Variants in VTI1A observed in about 807,000 individuals in gnomAD.
VTI1A encodes the protein vesicle transport through interaction with t-SNAREs homolog 1A.
VTI1A carries 22 observed loss-of-function variants against 34.9 expected under a neutral mutation model. That is an observed-to-expected ratio of 0.63 (90% confidence interval 0.45 to 0.90). VTI1A has a LOEUF of 0.90. Among genes scored for constraint, VTI1A ranks in the 40% least tolerant of loss-of-function variants. VTI1A has a pLI of 0.00. For synonymous variants in VTI1A, 87 were observed against 97.3 expected (o/e 0.89, Z 0.62); for missense variants, 268 against 275.6 (o/e 0.97, Z 0.20).
Position 112,818,683 on chromosome 10 carries a change from C to G in VTI1A, c.*3300C>G, listed in dbSNP as rs1564938764. ...CTGTTTAGACGTTTTTATTTTCTTT[C>G]ATTATTAGTCCCCACCATTACGTTC... On this transcript the variant is annotated 3_prime_UTR_variant, in exon 8 of 8. Transcript: ENST00000393077. 4.8e-6 allele frequency: 1 copy of G among 208,924 alleles called. No homozygotes were observed. The highest frequency in any genetic ancestry group is 9.8e-6 in the Non-Finnish European group (1 of 102,410). 12.9% of individuals were successfully genotyped at this position (208,924 alleles called of 1,614,324 possible).
intron 5 of VTI1A, among the ~76,000 whole-genome samples, chr10:112,547,619 G>T (rs919758230): frequency 6.6e-6 from 1 of 152,016 alleles, no homozygotes; most frequent in Non-Finnish European, 1.5e-5. Context: ...TTAAGCTGCA[G>T]TCATTCCCCA....
At chr10:112,516,649 T>A (rs1382321360) in intron 3 of VTI1A, among the ~76,000 whole-genome samples, 1 of 151,988 alleles carries the variant, frequency 6.6e-6, no homozygotes, top group African/African-American at 2.4e-5. Flanking sequence ...TATATGTTAA[T>A]AACAGTTATA....
chr10:112,684,563 T>C (rs562913088), intron 7 of VTI1A, among the ~76,000 whole-genome samples: 4 of 150,962 alleles, frequency 2.6e-5, no homozygotes, highest in Non-Finnish European at 5.9e-5. Context: ...CTCAGCCTCC[T>C]AAGTAGCTGG....
intron 3 of VTI1A, among the ~76,000 whole-genome samples, chr10:112,486,382 A>T (rs969988032): frequency 1.3e-5 from 2 of 152,210 alleles, no homozygotes; most frequent in Non-Finnish European, 2.9e-5. Flanking sequence ...ACAATGGGTT[A>T]ATCATGAAAT....
At chr10:112,586,094 G>A (rs1292128888) in intron 5 of VTI1A, among the ~76,000 whole-genome samples, 2 of 150,152 alleles carry the variant, frequency 1.3e-5, no homozygotes, top group Non-Finnish European at 3.0e-5. Context: ...TTTCTAACAC[G>A]ACTTTGCTCT....
At chr10:112,737,252 T>C in intron 7 of VTI1A, 1 of 748,422 alleles carries the variant, frequency 1.3e-6, no homozygotes, top group South Asian at 6.2e-5. Context: ...TGTATTTCTT[T>C]TTTTTTTTTT....
At chr10:112,772,916 G>C (rs563018748) in intron 7 of VTI1A, among the ~76,000 whole-genome samples, 28 of 152,308 alleles carry the variant, frequency 1.8e-4, no homozygotes, top group African/African-American at 6.7e-4. Context: ...AGCAGAACAG[G>C]GTGGAGTTTA....
intron 3 of VTI1A, among the ~76,000 whole-genome samples, chr10:112,516,016 T>G (rs1429721693): frequency 6.6e-6 from 1 of 152,070 alleles, no homozygotes; most frequent in Non-Finnish European, 1.5e-5. Context: ...CAATACAAAT[T>G]GAGTGGCTGA....
chr10:112,672,127 A>C (rs1220297545), intron 7 of VTI1A, among the ~76,000 whole-genome samples: 1 of 151,930 alleles, frequency 6.6e-6, no homozygotes, highest in Non-Finnish European at 1.5e-5. Context: ...ACAAATAACT[A>C]ATAAAAAATA....
intron 3 of VTI1A, among the ~76,000 whole-genome samples, chr10:112,505,851 A>G (rs1169741453): frequency 6.6e-6 from 1 of 151,888 alleles, no homozygotes; most frequent in South Asian, 2.1e-4. Flanking sequence ...TTTAAATCAC[A>G]TAGTTTTTAA....
chr10:112,727,370 C>A (rs555128930), intron 7 of VTI1A, among the ~76,000 whole-genome samples: 1 of 151,824 alleles, frequency 6.6e-6, no homozygotes, highest in South Asian at 2.1e-4. Flanking sequence ...GTGAGCAGAG[C>A]AAAACTGTTG....
At chr10:112,765,345 G>A (rs950407381) in intron 7 of VTI1A, among the ~76,000 whole-genome samples, 11 of 152,124 alleles carry the variant, frequency 7.2e-5, no homozygotes, top group Non-Finnish European at 1.5e-4. Flanking sequence ...ACGTAGCTGA[G>A]ATTACAGGCG....
At chr10:112,793,596 C>T (rs1007470125) in intron 7 of VTI1A, among the ~76,000 whole-genome samples, 1 of 152,204 alleles carries the variant, frequency 6.6e-6, no homozygotes, top group African/African-American at 2.4e-5. Context: ...ATGTATCATG[C>T]TGAAGTCATA....
At chr10:112,480,267 C>T (rs981069765) in intron 3 of VTI1A, among the ~76,000 whole-genome samples, 3 of 152,156 alleles carry the variant, frequency 2.0e-5, no homozygotes, top group African/African-American at 4.8e-5. Context: ...TAAGAACTTT[C>T]GAGCTGATGG....
chr10:112,481,571 G>A (rs1326847566), intron 3 of VTI1A, among the ~76,000 whole-genome samples: 1 of 152,208 alleles, frequency 6.6e-6, no homozygotes, highest in Non-Finnish European at 1.5e-5. Flanking sequence ...TCTGCATTTA[G>A]TAGGAGACAC....
intron 7 of VTI1A, among the ~76,000 whole-genome samples, chr10:112,704,475 G>A (rs1391994386): frequency 6.6e-6 from 1 of 151,706 alleles, no homozygotes; most frequent in Non-Finnish European, 1.5e-5. Context: ...CAAGACATAG[G>A]CATTTTAGTG....
intron 5 of VTI1A, among the ~76,000 whole-genome samples, chr10:112,557,527 G>A (rs1728302352): frequency 6.6e-6 from 1 of 152,102 alleles, no homozygotes; most frequent in South Asian, 2.1e-4. Flanking sequence ...TGTCATTTTG[G>A]AATGTGTTTA....
At chr10:112,620,797 A>C (rs1181603186) in intron 5 of VTI1A, among the ~76,000 whole-genome samples, 3 of 151,962 alleles carry the variant, frequency 2.0e-5, no homozygotes, top group Non-Finnish European at 2.9e-5. Flanking sequence ...TCTCAAAAAA[A>C]AAAAAAGAAA....
chr10:112,618,524 T>TATATATAGAGAGAGAGAGAGAG (rs748276058), intron 5 of VTI1A, among the ~76,000 whole-genome samples: 29 of 34,576 alleles, frequency 8.4e-4, no homozygotes, highest in African/African-American at 2.1e-3. Flanking sequence ...TATATATATA[T>TATATATAGAGAGAGAGAGAGAG]AGAGAGAGAG....
Sources: gnomAD v4.1 joint callset for allele counts (sites outside exome capture counted in the v4.1 genomes callset) on GRCh38, gnomAD v4.1.1 for gene constraint, MANE v1.5 for transcripts, NCBI Gene and HGNC (gene_info 2026-07-23, HGNC 2026-07-21) for gene names.